Variants in DPT observed in about 807,000 individuals in gnomAD.
The protein encoded by DPT is tyrosine-rich acidic matrix protein.
In DPT, 21 loss-of-function variants were observed where a neutral mutation model predicts 31.2. The ratio of observed to expected loss-of-function variants is 0.67; its 90% CI spans 0.48 to 0.97. The LOEUF is 0.97. Ranked by LOEUF, DPT falls within the 50% of genes least tolerant of loss-of-function variation. The pLI, the probability that DPT is intolerant of heterozygous loss-of-function variation, is 0.00. For missense variants in DPT, 262 were observed against 258.8 expected (o/e 1.01, Z -0.08); for synonymous variants, 91 against 86.9 (o/e 1.05, Z -0.26).
At chr1:168,728,047 A>G (rs551300039) in intron 1 of DPT, among the ~76,000 whole-genome samples, 16 of 152,292 alleles carry the variant, frequency 1.1e-4, no homozygotes, top group African/African-American at 3.9e-4. Context: ...AGTGCCTACT[A>G]GGATGAGCTC....
In DPT at chr1:168,696,529, A is replaced by G; in HGVS notation, c.*20T>C. The G allele has an allele frequency of 6.2e-7, 1 of 1,612,084 alleles. No homozygotes were observed. Among genetic ancestry groups the G allele is most frequent in the Non-Finnish European group, 8.5e-7 (1 of 1,178,812 alleles). ...GTCCCCGGCCCCTTTCCTTTCACCC[A>G]GATTTGGTATGTGGCAAATCTAAAC... On this transcript the variant is annotated 3_prime_UTR_variant, in exon 4 of 4. Coordinates refer to ENST00000367817, the MANE Select transcript of DPT (RefSeq NM_001937.5).
intron 2 of DPT, 149 bp downstream of exon 2, chr1:168,714,072 C>T: frequency 9.6e-7 from 1 of 1,043,180 alleles, no homozygotes; most frequent in Non-Finnish European, 1.4e-6. Context: ...CGGGAACATC[C>T]TCCTAAGTCA....
At chr1:168,722,365 C>A (rs2101911781) in intron 1 of DPT, among the ~76,000 whole-genome samples, 1 of 152,236 alleles carries the variant, frequency 6.6e-6, no homozygotes, top group South Asian at 2.1e-4. Context: ...TGTAATCTAG[C>A]AATTTGGTTT....
At position 168,713,173 on chromosome 1, in the gene DPT, G is replaced by A. The variant is rs542714776; in HGVS notation, c.431+1048C>T. ...CAGTGGCATCGTAATCCTTTGCCAG[G>A]CCTGTTCACCCACTGTAGAGGAGTA... On this transcript the variant is annotated intron_variant, in intron 2 of 3. Coordinates refer to ENST00000367817, the MANE Select transcript of DPT (RefSeq NM_001937.5). 3.9e-5 allele frequency among the ~76,000 whole-genome samples: 6 copies of A among 152,266 alleles called. No homozygotes were observed. In the South Asian group the frequency reaches 1.0e-3, roughly 26 times the overall value.
chr1:168,726,038 C>T (rs1297611642), intron 1 of DPT, among the ~76,000 whole-genome samples: 1 of 152,196 alleles, frequency 6.6e-6, no homozygotes, highest in Non-Finnish European at 1.5e-5. Flanking sequence ...TTTAAAAGTG[C>T]TTCCAGGGTA....
rs543735846 is a variant in DPT at position 168,696,433 on chromosome 1, G to A, written c.*116C>T. The A allele has an allele frequency of 1.2e-6, 1 of 827,024 alleles. No individual in the cohort carries two copies. Among genetic ancestry groups the A allele is most frequent in the South Asian group, 1.9e-5 (1 of 53,550 alleles). 51.2% of individuals were successfully genotyped at this position (827,024 alleles called of 1,614,324 possible). ...TTGGCATTGCAGTTACCAGCTCAGG[G>A]AGAAGGAAAGAGAGCAGCAGAAACT... is the stretch of plus-strand genomic sequence containing the variant. On this transcript the variant is annotated 3_prime_UTR_variant, in exon 4 of 4. Coordinates refer to ENST00000367817, the MANE Select transcript of DPT (RefSeq NM_001937.5).
At chr1:168,726,622 C>T (rs1242693893) in intron 1 of DPT, among the ~76,000 whole-genome samples, 1 of 152,244 alleles carries the variant, frequency 6.6e-6, no homozygotes. Context: ...GGCTCTTCCT[C>T]TATGGCTTGG....
intron 1 of DPT, among the ~76,000 whole-genome samples, chr1:168,718,144 C>T (rs141363646): frequency 2.0e-3 from 309 of 152,382 alleles, no homozygotes; most frequent in Non-Finnish European, 3.4e-3. Context: ...GTGGTTTCCA[C>T]GGAGTTGTTG....
chr1:168,701,211 G>A, intron 2 of DPT, 87 bp from the exon 3 acceptor site: 2 of 1,046,374 alleles, frequency 1.9e-6, no homozygotes, highest in Non-Finnish European at 2.9e-6. Context: ...AAGAAGAGAT[G>A]GAGTTTGAGC....
At chr1:168,712,398 G>C (rs917738589) in intron 2 of DPT, among the ~76,000 whole-genome samples, 3 of 152,208 alleles carry the variant, frequency 2.0e-5, no homozygotes, top group East Asian at 1.9e-4. Context: ...CCCCAGCCCT[G>C]ATGTGTTCCT....
intron 1 of DPT, among the ~76,000 whole-genome samples, chr1:168,725,540 A>C (rs1038508739): frequency 2.0e-5 from 3 of 152,126 alleles, no homozygotes; most frequent in African/African-American, 7.2e-5. Context: ...GACCCAAGTT[A>C]GAGCAGATTC....
chr1:168,714,029 G>C (rs1263834849), intron 2 of DPT, among the ~76,000 whole-genome samples, 192 bp downstream of exon 2: 1 of 152,148 alleles, frequency 6.6e-6, no homozygotes, highest in Non-Finnish European at 1.5e-5. Context: ...AGAAGGATGT[G>C]GGGGGTTGGA....
intron 2 of DPT, 29 bp from the exon 3 acceptor site, chr1:168,701,153 A>C (rs1253743728): frequency 6.6e-7 from 1 of 1,504,258 alleles, no homozygotes; most frequent in Non-Finnish European, 9.2e-7. Flanking sequence ...GGTTAGAGGA[A>C]AATGAAACAC....
intron 2 of DPT, among the ~76,000 whole-genome samples, chr1:168,709,600 C>A (rs1402326822): frequency 1.3e-5 from 2 of 152,136 alleles, no homozygotes; most frequent in Non-Finnish European, 1.5e-5. Flanking sequence ...TTTTTTCCAG[C>A]CCAGAGTGAT....
intron 1 of DPT, among the ~76,000 whole-genome samples, chr1:168,720,163 T>A (rs1161938652): frequency 6.6e-6 from 1 of 152,082 alleles, no homozygotes; most frequent in Non-Finnish European, 1.5e-5. Flanking sequence ...AGGCACTGTG[T>A]GGAGTCAGTG....
At chr1:168,723,112 A>G (rs540283188) in intron 1 of DPT, among the ~76,000 whole-genome samples, 2 of 152,196 alleles carry the variant, frequency 1.3e-5, no homozygotes, top group Non-Finnish European at 1.5e-5. Context: ...TCATAACCCT[A>G]TTCTCCCACA....
chr1:168,708,098 C>T (rs148868705), intron 2 of DPT, among the ~76,000 whole-genome samples: 46 of 152,188 alleles, frequency 3.0e-4, no homozygotes, highest in Non-Finnish European at 5.7e-4. Flanking sequence ...CTCTAGATTA[C>T]GTATAATACC....
intron 1 of DPT, among the ~76,000 whole-genome samples, chr1:168,727,402 C>T (rs760330868): frequency 2.6e-5 from 4 of 152,152 alleles, no homozygotes; most frequent in Non-Finnish European, 4.4e-5. Context: ...TAAATGGTAG[C>T]TGTTGTCATT....
At chr1:168,713,548 C>T (rs1231322750) in intron 2 of DPT, among the ~76,000 whole-genome samples, 5 of 152,206 alleles carry the variant, frequency 3.3e-5, no homozygotes, top group South Asian at 2.1e-4. Flanking sequence ...AAACCTGGGC[C>T]GGTTGTGTTA....
Sources: gnomAD v4.1 joint callset for allele counts (sites outside exome capture counted in the v4.1 genomes callset) on GRCh38, gnomAD v4.1.1 for gene constraint, MANE v1.5 for transcripts, NCBI Gene and HGNC (gene_info 2026-07-23, HGNC 2026-07-21) for gene names.